The following TAFA5 variants were observed in gnomAD, a reference collection of about 807,000 sequenced individuals.
The protein encoded by TAFA5 is TAFA chemokine like family member 5.
Under a neutral mutation model 15.3 loss-of-function variants are expected in TAFA5, and 6 were observed. The observed-to-expected ratio is 0.39, with a 90% CI of 0.21 to 0.77. The LOEUF is 0.77. Ranked by LOEUF, TAFA5 falls within the 30% of genes least tolerant of loss-of-function variation. The pLI is 0.41. For synonymous variants in TAFA5, 103 were observed against 80.7 expected (o/e 1.28, Z -1.48); for missense variants, 161 against 193.1 (o/e 0.83, Z 0.98).
At chr22:48,730,193 G>A (rs968648595) in intron 3 of TAFA5, among the ~76,000 whole-genome samples, 4 of 152,146 alleles carry the variant, frequency 2.6e-5, no homozygotes, top group African/African-American at 9.7e-5. Flanking sequence ...GACCATCCTG[G>A]CCAACCTGGT....
At chr22:48,650,476 G>A (rs1021581999) in intron 2 of TAFA5, among the ~76,000 whole-genome samples, 13 of 152,104 alleles carry the variant, frequency 8.5e-5, no homozygotes, top group Admixed American at 2.6e-4. Flanking sequence ...ACTTTTTCCC[G>A]CTGGGACCTC....
At chr22:48,606,551 G>A (rs978025768) in intron 1 of TAFA5, among the ~76,000 whole-genome samples, 1 of 152,234 alleles carries the variant, frequency 6.6e-6, no homozygotes, top group Non-Finnish European at 1.5e-5. Flanking sequence ...GGCTACTAGA[G>A]TGGTGGGATT....
chr22:48,672,563 A>G (rs1297505036), intron 2 of TAFA5, among the ~76,000 whole-genome samples: 1 of 152,212 alleles, frequency 6.6e-6, no homozygotes, highest in Non-Finnish European at 1.5e-5. Context: ...GAATTACAGC[A>G]CAAACAGATT....
At chr22:48,607,236 G>A (rs28710305) in intron 1 of TAFA5, among the ~76,000 whole-genome samples, 6,031 of 127,186 alleles carry the variant, frequency 0.047, 201 homozygotes, top group African/African-American at 0.064. Context: ...GGTCTGTCCC[G>A]GGTTCTGATT....
intron 2 of TAFA5, among the ~76,000 whole-genome samples, chr22:48,657,507 G>A (rs145490727): frequency 6.6e-6 from 1 of 152,190 alleles, no homozygotes; most frequent in Admixed American, 6.5e-5. Flanking sequence ...AAGAATAGGG[G>A]CCACTTCTTA....
chr22:48,520,891 G>T lies in TAFA5; in HGVS notation c.112+31187G>T, dbSNP rs79462567. Among the ~76,000 whole-genome samples the T allele has an allele frequency of 2.0e-3, 297 of 152,302 alleles. 1 individual carries two copies. The highest frequency in any genetic ancestry group is 6.9e-3 in the African/African-American group (287 of 41,578). On this transcript the variant is annotated intron_variant, in intron 1 of 3. Transcript: ENST00000402357. Reference sequence around the variant, plus strand: ...TCCCTCAGGCCAGGGCCAGGGCCAGGGGGGGTCGCAGGGTGGGATGACAGG... The same window carrying T: ...TCCCTCAGGCCAGGGCCAGGGCCAGTGGGGGTCGCAGGGTGGGATGACAGG...
chr22:48,492,709 G>A (rs1164922934), intron 1 of TAFA5, among the ~76,000 whole-genome samples: 1 of 152,318 alleles, frequency 6.6e-6, no homozygotes, highest in East Asian at 1.9e-4. Context: ...ATGCATGCTC[G>A]GTGGTCTGCG....
chr22:48,741,090 G>A (rs955410242), intron 3 of TAFA5, among the ~76,000 whole-genome samples: 3 of 152,210 alleles, frequency 2.0e-5, no homozygotes, highest in Admixed American at 6.5e-5. Context: ...TGGACTCTGG[G>A]TGTTCCCACC....
chr22:48,602,471 G>A (rs1434205966), intron 1 of TAFA5, among the ~76,000 whole-genome samples: 1 of 152,220 alleles, frequency 6.6e-6, no homozygotes, highest in Non-Finnish European at 1.5e-5. Context: ...CGCCCAGGAG[G>A]CATCCGTGGA....
chr22:48,639,651 C>T (rs1926602205), intron 1 of TAFA5, among the ~76,000 whole-genome samples: 1 of 152,198 alleles, frequency 6.6e-6, no homozygotes, highest in Non-Finnish European at 1.5e-5. Context: ...ATGCAGGTGC[C>T]CCCACTGCCC....
intron 1 of TAFA5, among the ~76,000 whole-genome samples, chr22:48,525,779 G>A (rs1921761051): frequency 6.6e-6 from 1 of 152,180 alleles, no homozygotes; most frequent in Non-Finnish European, 1.5e-5. Context: ...CCCTGCAGAG[G>A]CACGGTGGTG....
At chr22:48,596,147 T>C (rs1924756834) in intron 1 of TAFA5, among the ~76,000 whole-genome samples, 2 of 152,282 alleles carry the variant, frequency 1.3e-5, no homozygotes, top group South Asian at 4.1e-4. Flanking sequence ...CTGTGCCAGA[T>C]TTATTTTTCA....
rs774233288 is a variant in TAFA5 at position 48,550,098 on chromosome 22, A to G, written c.112+60394A>G. ...CTCGTATGTGGCAAAGCTGGCCTGT[A>G]TCAGAAGCTGGGAACTTTGGGGTAT... On this transcript the variant is annotated intron_variant, in intron 1 of 3. Transcript: ENST00000402357. This position sits in a 1 kb window ranked among gnomAD's most constrained non-coding sequence, Gnocchi z 4.1. Among the ~76,000 whole-genome samples the G allele has an allele frequency of 5.9e-5, 9 of 152,218 alleles. No individual in the cohort carries two copies. The highest frequency in any genetic ancestry group is 1.3e-4 in the Non-Finnish European group (9 of 68,034).
intron 2 of TAFA5, among the ~76,000 whole-genome samples, chr22:48,694,598 C>T (rs1008932025): frequency 6.6e-6 from 1 of 152,144 alleles, no homozygotes; most frequent in African/African-American, 2.4e-5. Context: ...CCTCCCTGCC[C>T]CATGTGCTGG....
chr22:48,582,238 A>G (rs1345757716), intron 1 of TAFA5, among the ~76,000 whole-genome samples: 2 of 151,654 alleles, frequency 1.3e-5, no homozygotes, highest in Non-Finnish European at 2.9e-5. Context: ...CAAAAAACAC[A>G]ACGCATACCA....
rs115950697 is a variant in TAFA5 at position 48,560,042 on chromosome 22, C to A, written c.112+70338C>A. 0.01 allele frequency among the ~76,000 whole-genome samples: 1,574 copies of A among 152,252 alleles called. 42 individuals are homozygous for A. Among genetic ancestry groups the A allele is most frequent in the African/African-American group, 0.036 (1,514 of 41,540 alleles). On this transcript the variant is annotated intron_variant, in intron 1 of 3. Coordinates refer to ENST00000402357, the MANE Select transcript of TAFA5 (RefSeq NM_001082967.3). This position sits in a 1 kb window ranked among gnomAD's most constrained non-coding sequence, Gnocchi z 4.2. ...CTGCAGGGTCTTCTTTCTATGCACA[C>A]GCCGGCCATCCTCCATCAGGCAGCT... is the stretch of plus-strand genomic sequence containing the variant.
chr22:48,610,478 C>T (rs1216768409), intron 1 of TAFA5, among the ~76,000 whole-genome samples: 1 of 152,222 alleles, frequency 6.6e-6, no homozygotes, highest in African/African-American at 2.4e-5. Flanking sequence ...TGCGGACCTT[C>T]ATGCTGGCTC....
At chr22:48,582,683 A>G (rs1377559432) in intron 1 of TAFA5, among the ~76,000 whole-genome samples, 1 of 150,544 alleles carries the variant, frequency 6.6e-6, no homozygotes, top group Non-Finnish European at 1.5e-5. Flanking sequence ...CACACACGAA[A>G]TACACCACAC....
At chr22:48,511,010 G>T (rs892902460) in intron 1 of TAFA5, among the ~76,000 whole-genome samples, 14 of 152,244 alleles carry the variant, frequency 9.2e-5, no homozygotes, top group African/African-American at 3.4e-4. Flanking sequence ...GGCCCACATG[G>T]ATATTGCTGT....
Sources: allele counts gnomAD v4.1 joint callset (sites outside exome capture counted in the v4.1 genomes callset), GRCh38; gene constraint gnomAD v4.1.1; non-coding constraint Gnocchi (gnomAD v3.1); transcripts MANE v1.5; gene names NCBI Gene and HGNC (gene_info 2026-07-23, HGNC 2026-07-21).